Variants in CNTN5 observed in about 807,000 individuals in gnomAD.
CNTN5 encodes contactin 5.
A neutral mutation model predicts 129.1 loss-of-function variants in CNTN5; 77 were observed. The observed-to-expected ratio is 0.60, with a 90% CI of 0.50 to 0.72. The LOEUF (loss-of-function observed/expected upper bound fraction) is 0.72, where lower values mean the gene tolerates loss of function less well. Among genes scored for constraint, CNTN5 ranks in the 30% least tolerant of loss-of-function variants. CNTN5 has a pLI of 0.00. For synonymous variants in CNTN5, 509 were observed against 465.6 expected (o/e 1.09, Z -1.20); for missense variants, 1,478 against 1,328.8 (o/e 1.11, Z -1.75).
At chr11:99,483,174 CAAAAAAAAAA>C (rs34200342) in intron 2 of CNTN5, among the ~76,000 whole-genome samples, 3 of 59,542 alleles carry the variant, frequency 5.0e-5, no homozygotes, top group Admixed American at 2.8e-4. Flanking sequence ...GACTCCTTCT[CAAAAAAAAAA>C]AAAAAAAAAA....
intron 1 of CNTN5, among the ~76,000 whole-genome samples, chr11:99,236,159 G>A (rs796843839): frequency 7.2e-5 from 11 of 151,938 alleles, no homozygotes; most frequent in South Asian, 2.1e-4. Flanking sequence ...AATATTTCCC[G>A]GTATACCACT....
At chr11:99,936,246 C>T (rs1411417619) in intron 7 of CNTN5, among the ~76,000 whole-genome samples, 3 of 152,264 alleles carry the variant, frequency 2.0e-5, no homozygotes, top group South Asian at 2.1e-4. Context: ...TAAGCATCCA[C>T]CTGTTCACTG....
intron 4 of CNTN5, among the ~76,000 whole-genome samples, chr11:99,824,445 G>A (rs1045962292): frequency 6.6e-6 from 1 of 151,854 alleles, no homozygotes; most frequent in Non-Finnish European, 1.5e-5. Flanking sequence ...TGTTATTTCT[G>A]TTAGAATATT....
intron 4 of CNTN5, among the ~76,000 whole-genome samples, chr11:99,836,397 G>A (rs1565586873): frequency 6.6e-6 from 1 of 151,130 alleles, no homozygotes; most frequent in Non-Finnish European, 1.5e-5. Flanking sequence ...GCGGTGTTTG[G>A]TTTTTTGTCC....
chr11:100,284,791 G>C (rs1471808571), intron 18 of CNTN5, among the ~76,000 whole-genome samples: 1 of 152,120 alleles, frequency 6.6e-6, no homozygotes, highest in Non-Finnish European at 1.5e-5. Flanking sequence ...CTCAATATTT[G>C]CAGTTTATTT....
intron 1 of CNTN5, among the ~76,000 whole-genome samples, chr11:99,153,815 C>CTTTTTTTTT (rs60782977): frequency 2.9e-5 from 3 of 103,342 alleles, no homozygotes; most frequent in Admixed American, 1.1e-4. Context: ...CTTTGAATGG[C>CTTTTTTTTT]TTTTTTTTTT....
chr11:99,611,506 A>G (rs1309634876), intron 3 of CNTN5, among the ~76,000 whole-genome samples: 1 of 152,194 alleles, frequency 6.6e-6, no homozygotes, highest in African/African-American at 2.4e-5. Flanking sequence ...AGTCAGTTCA[A>G]ATTCTCTAAG....
intron 13 of CNTN5, among the ~76,000 whole-genome samples, chr11:100,126,275 T>C (rs1220915314): frequency 6.6e-6 from 1 of 152,142 alleles, no homozygotes; most frequent in Non-Finnish European, 1.5e-5. Flanking sequence ...GTGATGTTGA[T>C]AGATGGAGTA....
intron 1 of CNTN5, among the ~76,000 whole-genome samples, chr11:99,081,876 C>G (rs1347193855): frequency 6.6e-6 from 1 of 151,930 alleles, no homozygotes; most frequent in East Asian, 1.9e-4. Flanking sequence ...GTAGATGTCC[C>G]CGTTTTAGAG....
chr11:99,139,314 G>T (rs562344742), intron 1 of CNTN5, among the ~76,000 whole-genome samples: 1 of 152,238 alleles, frequency 6.6e-6, no homozygotes, highest in East Asian at 1.9e-4. Context: ...CTTTGCTAAA[G>T]AACAGATGTG....
chr11:99,454,429 C>A (rs1944420842), intron 2 of CNTN5, among the ~76,000 whole-genome samples: 1 of 151,962 alleles, frequency 6.6e-6, no homozygotes, highest in Admixed American at 6.6e-5. Flanking sequence ...TGAGTGAGTT[C>A]TCATGAGATC....
At chr11:99,804,856 C>G (rs1033082206) in intron 3 of CNTN5, among the ~76,000 whole-genome samples, 2 of 149,660 alleles carry the variant, frequency 1.3e-5, no homozygotes, top group African/African-American at 2.4e-5. Context: ...AATATATACA[C>G]ATATATATTA....
intron 13 of CNTN5, among the ~76,000 whole-genome samples, chr11:100,166,822 C>G (rs1279129493): frequency 6.6e-6 from 1 of 151,722 alleles, no homozygotes; most frequent in East Asian, 1.9e-4. Context: ...ATTAAAAAGG[C>G]CTTTCTCTAT....
At chr11:99,196,105 AAAGTGTCTATAC>A (rs1443320938) in intron 1 of CNTN5, among the ~76,000 whole-genome samples, 6 of 151,984 alleles carry the variant, frequency 3.9e-5, no homozygotes, top group Non-Finnish European at 7.4e-5. Context: ...AGAAAGGTTA[AAAGTGTCTATAC>A]AATGCTTTTG....
At chr11:99,467,985 C>T (rs1185916180) in intron 2 of CNTN5, among the ~76,000 whole-genome samples, 3 of 151,950 alleles carry the variant, frequency 2.0e-5, no homozygotes, top group Admixed American at 1.3e-4. Context: ...ATATTTACCC[C>T]TTGAGTCTTC....
At chr11:99,878,347 AG>A (rs1339917906) in intron 6 of CNTN5, among the ~76,000 whole-genome samples, 1 of 152,182 alleles carries the variant, frequency 6.6e-6, no homozygotes, top group Non-Finnish European at 1.5e-5. Flanking sequence ...ACTTTGATGA[AG>A]GGAAAGCTAC....
intron 1 of CNTN5, among the ~76,000 whole-genome samples, chr11:99,141,519 A>C (rs1009918355): frequency 2.6e-5 from 4 of 151,228 alleles, no homozygotes; most frequent in African/African-American, 7.3e-5. Context: ...TATTCACTCA[A>C]GCTCTCATTT....
intron 18 of CNTN5, among the ~76,000 whole-genome samples, chr11:100,290,779 C>A (rs1241133104): frequency 6.7e-6 from 1 of 150,024 alleles, no homozygotes; most frequent in Non-Finnish European, 1.5e-5. Context: ...AACTAAAGAG[C>A]TTCTGCACAG....
chr11:99,334,744 A>G (rs1368488119), intron 2 of CNTN5, among the ~76,000 whole-genome samples: 1 of 152,106 alleles, frequency 6.6e-6, no homozygotes, highest in East Asian at 1.9e-4. Flanking sequence ...AAAATGTAAA[A>G]TATTTTATTA....
Sources: allele counts gnomAD v4.1 joint callset (sites outside exome capture counted in the v4.1 genomes callset), GRCh38; gene constraint gnomAD v4.1.1; transcripts MANE v1.5; gene names NCBI Gene and HGNC (gene_info 2026-07-23, HGNC 2026-07-21).